The following ARHGAP10 variants were observed in gnomAD, a reference collection of about 807,000 sequenced individuals.
ARHGAP10 encodes the protein rho GTPase-activating protein 10.
In ARHGAP10, 87 loss-of-function variants were observed where a neutral mutation model predicts 108.6. The ratio of observed to expected loss-of-function variants is 0.80; its 90% CI spans 0.67 to 0.96. The LOEUF is 0.96. Among genes scored for constraint, ARHGAP10 ranks in the 40% least tolerant of loss-of-function variants. The probability of loss-of-function intolerance (pLI) is 0.00; values close to 1 mark genes in which losing one functional copy is unlikely to be tolerated. For synonymous variants in ARHGAP10, 347 were observed against 341.1 expected (o/e 1.02, Z -0.19); for missense variants, 939 against 954.5 (o/e 0.98, Z 0.21).
intron 18 of ARHGAP10, among the ~76,000 whole-genome samples, chr4:147,997,516 C>T (rs1459710372): frequency 6.6e-6 from 1 of 152,128 alleles, no homozygotes; most frequent in Admixed American, 6.5e-5. Flanking sequence ...GTTGATGAAG[C>T]AGTCACAGTG....
chr4:147,996,683 C>T (rs1343013559), intron 18 of ARHGAP10, among the ~76,000 whole-genome samples: 1 of 152,226 alleles, frequency 6.6e-6, no homozygotes, highest in East Asian at 1.9e-4. Context: ...ATGGACTAAA[C>T]TGTGACCCCT....
chr4:147,916,662 C>T (rs895099629), intron 13 of ARHGAP10: 2 of 152,142 alleles, frequency 1.3e-5, no homozygotes, highest in African/African-American at 4.8e-5. Flanking sequence ...GCAGAAACTT[C>T]AGTGAATGGT....
chr4:148,033,306 A>G (rs1261951844), intron 19 of ARHGAP10, among the ~76,000 whole-genome samples: 1 of 152,206 alleles, frequency 6.6e-6, no homozygotes, highest in Non-Finnish European at 1.5e-5. Flanking sequence ...CAGATGTCTT[A>G]CTCATCACAC....
At chr4:147,986,778 T>C (rs1454283657) in intron 18 of ARHGAP10, among the ~76,000 whole-genome samples, 1 of 152,176 alleles carries the variant, frequency 6.6e-6, no homozygotes, top group Non-Finnish European at 1.5e-5. Context: ...CTCTGAAAGG[T>C]AGACATTACT....
chr4:147,957,932 T>G lies in ARHGAP10; in HGVS notation c.1450+2558T>G, dbSNP rs563912770. ...CATTGGAAAAGTTAAAACATTTTTT[T>G]CTTTGAGAAAATTAAGAGAGTTAAT... On this transcript the variant is annotated intron_variant, in intron 16 of 22. Transcript: ENST00000336498. Among the ~76,000 whole-genome samples the G allele has an allele frequency of 6.6e-5, 10 of 152,360 alleles. No homozygotes were observed. The South Asian group carries it at 2.1e-3, about 32-fold the overall frequency.
intron 10 of ARHGAP10, among the ~76,000 whole-genome samples, chr4:147,900,295 A>G (rs1282649048): frequency 6.6e-6 from 1 of 152,156 alleles, no homozygotes; most frequent in Non-Finnish European, 1.5e-5. Context: ...AGAGGTTGAG[A>G]TGCTGATTTA....
At chr4:147,914,101 G>A (rs1226942841) in intron 13 of ARHGAP10, among the ~76,000 whole-genome samples, 4 of 152,142 alleles carry the variant, frequency 2.6e-5, no homozygotes, top group African/African-American at 9.7e-5. Flanking sequence ...GCAGTGAGCC[G>A]AGATCGTGTC....
chr4:147,946,532 A>G, intron 14 of ARHGAP10, 85 bp from the exon 15 acceptor site: 1 of 1,147,182 alleles, frequency 8.7e-7, no homozygotes, highest in African/African-American at 1.6e-5. Flanking sequence ...TTGCCCATTT[A>G]AAAATGGAAG....
chr4:147,912,428 C>T (rs1736782190), intron 12 of ARHGAP10, among the ~76,000 whole-genome samples: 1 of 151,168 alleles, frequency 6.6e-6, no homozygotes, highest in Non-Finnish European at 1.5e-5. Context: ...GTAATGGCAG[C>T]TACCTGGGAG....
intron 18 of ARHGAP10, among the ~76,000 whole-genome samples, chr4:147,989,526 C>T (rs571992886): frequency 6.6e-6 from 1 of 152,154 alleles, no homozygotes; most frequent in Admixed American, 6.5e-5. Flanking sequence ...GAGACCTACC[C>T]CTAGGTGCGC....
At chr4:147,835,335 ATTCTTTTCTGAATGT>A (rs1733123756) in intron 3 of ARHGAP10, among the ~76,000 whole-genome samples, 1 of 152,140 alleles carries the variant, frequency 6.6e-6, no homozygotes, top group Admixed American at 6.6e-5. Context: ...GATTAAAGCC[ATTCTTTTCTGAATGT>A]TTCTTTTCTT....
At chr4:147,823,024 C>G in intron 3 of ARHGAP10, 67 bp downstream of exon 3, 11 of 1,462,870 alleles carry the variant, frequency 7.5e-6, no homozygotes, top group Non-Finnish European at 1.0e-5. Flanking sequence ...GATTTGGAAG[C>G]TTGTTCTGGT....
At chr4:147,766,087 C>T (rs187507517) in intron 1 of ARHGAP10, among the ~76,000 whole-genome samples, 1 of 152,106 alleles carries the variant, frequency 6.6e-6, no homozygotes, top group East Asian at 1.9e-4. Context: ...TTGAGACCAG[C>T]CTGGCCAACA....
chr4:147,892,117 A>G (rs1279777452), intron 10 of ARHGAP10, among the ~76,000 whole-genome samples: 2 of 152,064 alleles, frequency 1.3e-5, no homozygotes, highest in African/African-American at 4.8e-5. Context: ...TTCCCATATC[A>G]CTCTTGAAAG....
chr4:148,072,182 A>C lies in ARHGAP10; in HGVS notation c.*101A>C. 3.1e-6 allele frequency: 3 copies of C among 956,216 alleles called. No homozygotes were observed. The highest frequency in any genetic ancestry group is 3.6e-4 in the Middle Eastern group (1 of 2,744). 59.2% of individuals were successfully genotyped at this position (956,216 alleles called of 1,614,324 possible). A position where few individuals can be genotyped will look rare whatever the true frequency, so the allele number is the denominator to read the frequency against. ...GAGGCTCTGGGCTGCACCCACAGGT[A>C]CCTCCACACTTGGGAGTTACCATCA... On this transcript the variant is annotated 3_prime_UTR_variant, in exon 23 of 23. Transcript: ENST00000336498.
intron 13 of ARHGAP10, among the ~76,000 whole-genome samples, chr4:147,918,994 C>T (rs188661660): frequency 1.3e-5 from 2 of 152,310 alleles, no homozygotes; most frequent in East Asian, 1.9e-4. Context: ...CATTTTTCCT[C>T]TTCTACTAAA....
intron 8 of ARHGAP10, among the ~76,000 whole-genome samples, chr4:147,876,773 C>T (rs1443222559): frequency 6.6e-6 from 1 of 152,138 alleles, no homozygotes; most frequent in Non-Finnish European, 1.5e-5. Flanking sequence ...AAATTCTTTC[C>T]TCATTTACTG....
At chr4:147,993,986 G>A (rs1328518667) in intron 18 of ARHGAP10, among the ~76,000 whole-genome samples, 2 of 152,188 alleles carry the variant, frequency 1.3e-5, no homozygotes, top group South Asian at 2.1e-4. Context: ...ACAGATCAAT[G>A]CAAGAAAATG....
chr4:147,854,408 T>A (rs10022144), intron 4 of ARHGAP10, among the ~76,000 whole-genome samples: 132,921 of 152,176 alleles, frequency 0.87, 60,530 homozygotes, highest in Non-Finnish European at 1. Context: ...CTGGTTTTCA[T>A]TGCCTACCAC....
Sources: gnomAD v4.1 joint callset for allele counts (sites outside exome capture counted in the v4.1 genomes callset) on GRCh38, gnomAD v4.1.1 for gene constraint, MANE v1.5 for transcripts, NCBI Gene and HGNC (gene_info 2026-07-23, HGNC 2026-07-21) for gene names.